WDR7: variants seen among roughly 807,000 people sequenced by gnomAD.
The protein encoded by WDR7 is WD repeat-containing protein 7.
A neutral mutation model predicts 169.4 loss-of-function variants in WDR7; 46 were observed. That is an observed-to-expected ratio of 0.27 (90% CI 0.21 to 0.35). The LOEUF is 0.35. Among genes scored for constraint, WDR7 ranks in the 10% least tolerant of loss-of-function variants. WDR7 has a pLI of 1.00. For missense variants in WDR7, 1,534 were observed against 1,859.3 expected, an observed-to-expected ratio of 0.83 and a Z score of 3.22; for synonymous variants, 612 against 666.8, an observed-to-expected ratio of 0.92 and a Z score of 1.27.
At position 56,922,984 on chromosome 18, in the gene WDR7, G is replaced by A. The variant is rs150552044; in HGVS notation, c.3527-938G>A. The stretch of plus-strand genomic sequence containing the variant: ...GTCAGGCTCAGTGAGTACCTTCCTA[G>A]GCCTGCCCCCGATAAGTTATGGAAC... On this transcript the variant is annotated intron_variant, in intron 21 of 27. Transcript: ENST00000254442. 1.7e-4 allele frequency among the ~76,000 whole-genome samples: 26 copies of A among 152,174 alleles called. No homozygotes were observed. In the East Asian group the frequency reaches 2.5e-3, roughly 15 times the overall value.
At chr18:56,886,878 G>A (rs1239981555) in intron 21 of WDR7, among the ~76,000 whole-genome samples, 1 of 152,114 alleles carries the variant, frequency 6.6e-6, no homozygotes, top group Non-Finnish European at 1.5e-5. Context: ...GAAAGACAAA[G>A]AGGGACATTA....
chr18:56,758,079 AT>A (rs1437121570), intron 15 of WDR7, among the ~76,000 whole-genome samples: 1 of 152,192 alleles, frequency 6.6e-6, no homozygotes, highest in African/African-American at 2.4e-5. Flanking sequence ...TATAGTCAGA[AT>A]TTTTCAATAG....
intron 26 of WDR7, among the ~76,000 whole-genome samples, chr18:56,974,675 C>A (rs765459170): frequency 1.3e-5 from 2 of 152,104 alleles, no homozygotes; most frequent in African/African-American, 2.4e-5. Context: ...TTGGTTAACC[C>A]CACGAGTCAG....
At chr18:56,919,192 T>C (rs1416874941) in intron 21 of WDR7, among the ~76,000 whole-genome samples, 3 of 152,198 alleles carry the variant, frequency 2.0e-5, no homozygotes, top group African/African-American at 7.2e-5. Flanking sequence ...GCTGACAAAC[T>C]GCATTTCCCA....
intron 19 of WDR7, among the ~76,000 whole-genome samples, chr18:56,804,290 A>G (rs553386820): frequency 2.0e-5 from 3 of 152,312 alleles, no homozygotes; most frequent in African/African-American, 4.8e-5. Flanking sequence ...TCAAACTCTA[A>G]AATTCCAAAT....
intron 19 of WDR7, among the ~76,000 whole-genome samples, chr18:56,811,550 G>C (rs1364604180): frequency 2.6e-5 from 4 of 152,074 alleles, no homozygotes; most frequent in Non-Finnish European, 2.9e-5. Context: ...TTGGTATCAA[G>C]TCTAAACTTA....
At chr18:56,925,820 C>G (rs2046799210) in intron 22 of WDR7, among the ~76,000 whole-genome samples, 1 of 152,104 alleles carries the variant, frequency 6.6e-6, no homozygotes, top group South Asian at 2.1e-4. Context: ...CAGTTACCTC[C>G]TATCATACTA....
At chr18:56,726,775 ACCTTCC>A (rs1417747152) in intron 13 of WDR7, among the ~76,000 whole-genome samples, 5 of 152,102 alleles carry the variant, frequency 3.3e-5, no homozygotes, top group Non-Finnish European at 5.9e-5. Context: ...CAAATGGAAC[ACCTTCC>A]TGAGAACTGT....
chr18:56,836,562 G>A (rs755306933), intron 20 of WDR7, among the ~76,000 whole-genome samples: 14 of 152,284 alleles, frequency 9.2e-5, no homozygotes, highest in Admixed American at 4.6e-4. Context: ...CTAGACATGC[G>A]TGCTTTTTTG....
At chr18:57,021,725 A>G (rs1222293729) in intron 27 of WDR7, among the ~76,000 whole-genome samples, 1 of 152,184 alleles carries the variant, frequency 6.6e-6, no homozygotes, top group African/African-American at 2.4e-5. Context: ...GAAATTAAAC[A>G]CCCCCAAAAA....
chr18:56,935,201 G>A (rs2046941238), intron 22 of WDR7, among the ~76,000 whole-genome samples: 1 of 152,128 alleles, frequency 6.6e-6, no homozygotes, highest in South Asian at 2.1e-4. Context: ...TTTGGCATTA[G>A]TACTAAATAA....
chr18:56,859,395 C>G (rs1227502220), intron 20 of WDR7, among the ~76,000 whole-genome samples: 1 of 152,148 alleles, frequency 6.6e-6, no homozygotes, highest in Admixed American at 6.5e-5. Context: ...CCACCACTCC[C>G]TAGCCACAAG....
chr18:56,784,743 G>A (rs1861905), intron 19 of WDR7, among the ~76,000 whole-genome samples: 87,274 of 151,900 alleles, frequency 0.57, 26,301 homozygotes, highest in South Asian at 0.69. Context: ...GTATAAAGTA[G>A]GCTGTTCTTA....
At chr18:56,775,114 A>G (rs1040209544) in intron 16 of WDR7, among the ~76,000 whole-genome samples, 1 of 152,116 alleles carries the variant, frequency 6.6e-6, no homozygotes, top group African/African-American at 2.4e-5. Flanking sequence ...GTGTTAGGGT[A>G]ATGACCACTC....
chr18:56,749,097 C>G (rs180967342), intron 14 of WDR7, among the ~76,000 whole-genome samples: 4 of 151,746 alleles, frequency 2.6e-5, no homozygotes, highest in Non-Finnish European at 5.9e-5. Context: ...ATTCAGTGAC[C>G]GTTTTACATT....
intron 14 of WDR7, among the ~76,000 whole-genome samples, chr18:56,749,287 T>C (rs1189566018): frequency 2.6e-5 from 4 of 152,098 alleles, no homozygotes; most frequent in African/African-American, 9.7e-5. Context: ...GTAATATGGC[T>C]ACATAATTTT....
At chr18:56,934,871 A>T (rs1171098353) in intron 22 of WDR7, among the ~76,000 whole-genome samples, 1 of 152,216 alleles carries the variant, frequency 6.6e-6, no homozygotes, top group African/African-American at 2.4e-5. Flanking sequence ...TCGGGAAACT[A>T]TAATTGTATT....
chr18:56,660,332 C>G (rs1322724059), intron 1 of WDR7, among the ~76,000 whole-genome samples: 1 of 152,126 alleles, frequency 6.6e-6, no homozygotes, highest in Non-Finnish European at 1.5e-5. Context: ...AACTGGGGAA[C>G]TGTCAAAATC....
chr18:56,773,251 G>A (rs978541744), intron 16 of WDR7, among the ~76,000 whole-genome samples: 2 of 152,104 alleles, frequency 1.3e-5, no homozygotes, highest in African/African-American at 4.8e-5. Flanking sequence ...CTGGTAGTAC[G>A]ATGCTAAAGG....
Sources: gnomAD v4.1 joint callset for allele counts (sites outside exome capture counted in the v4.1 genomes callset) on GRCh38, gnomAD v4.1.1 for gene constraint, MANE v1.5 for transcripts, NCBI Gene and HGNC (gene_info 2026-07-23, HGNC 2026-07-21) for gene names.